The following SCN11A variants were observed in gnomAD, a reference collection of about 807,000 sequenced individuals.
SCN11A encodes sodium voltage-gated channel alpha subunit 11, also known as sodium channel protein type 11 subunit alpha.
A neutral mutation model predicts 162.2 loss-of-function variants in SCN11A; 122 were observed. The observed-to-expected ratio is 0.75, with a 90% CI of 0.65 to 0.87. SCN11A has a LOEUF of 0.87. Among genes scored for constraint, SCN11A ranks in the 40% least tolerant of loss-of-function variants. The pLI is 0.00. For synonymous variants in SCN11A, 758 were observed against 751.5 expected (o/e 1.01, Z -0.14); for missense variants, 2,015 against 2,181.6 (o/e 0.92, Z 1.52).
Position 38,872,241 on chromosome 3 carries a change from T to C in SCN11A, c.3447A>G (p.Leu1149=), listed in dbSNP as rs1185565146. 17 of 1,611,580 alleles carry C rather than the reference T, an allele frequency of 1.1e-5. No homozygotes were observed. Among genetic ancestry groups the C allele is most frequent in the Non-Finnish European group, 1.3e-5 (15 of 1,177,994 alleles). ...GCGCACGAAGAGGCCTCAGTGCTCG[T>C]AGAGTCCGGAAGGACTTCAATTCCA... is the stretch of plus-strand genomic sequence containing the variant. ...NLMELKSFRT[L]RALRPLRALS... is the part of the protein sequence containing the mutation. Residue 1149 remains leucine (L), a synonymous_variant, in exon 24 of 30, where the codon CTA becomes CTG. Coordinates refer to ENST00000302328, the MANE Select transcript of SCN11A (RefSeq NM_001349253.2).
chr3:38,934,417 G>C (rs1025107334), intron 7 of SCN11A, among the ~76,000 whole-genome samples: 4 of 152,112 alleles, frequency 2.6e-5, no homozygotes, highest in African/African-American at 9.7e-5. Flanking sequence ...CCAATTAAAA[G>C]ACACAGACTG....
intron 2 of SCN11A, among the ~76,000 whole-genome samples, chr3:38,962,682 T>C (rs2066748991): frequency 6.6e-6 from 1 of 151,830 alleles, no homozygotes; most frequent in Non-Finnish European, 1.5e-5. Flanking sequence ...ACCCCATCTC[T>C]ACAAAAAACA....
chr3:39,007,835 A>G (rs1408151522), intron 2 of SCN11A, among the ~76,000 whole-genome samples: 1 of 152,174 alleles, frequency 6.6e-6, no homozygotes, highest in Non-Finnish European at 1.5e-5. Context: ...ACCTGAGGAG[A>G]AGGTCATGGA....
At chr3:38,909,652 G>A (rs141690108) in intron 12 of SCN11A, among the ~76,000 whole-genome samples, 1,791 of 147,388 alleles carry the variant, frequency 0.012, 37 homozygotes, top group African/African-American at 0.042. Context: ...GTGTGATCTC[G>A]GCTCATTGCA....
At chr3:38,980,853 G>A (rs1374344347) in intron 2 of SCN11A, among the ~76,000 whole-genome samples, 1 of 152,154 alleles carries the variant, frequency 6.6e-6, no homozygotes, top group South Asian at 2.1e-4. Context: ...TTAATAACCA[G>A]AGATTTACTT....
At chr3:38,952,212 C>T (rs2066631462) in intron 4 of SCN11A, among the ~76,000 whole-genome samples, 1 of 152,140 alleles carries the variant, frequency 6.6e-6, no homozygotes, top group African/African-American at 2.4e-5. Context: ...CAAGAACCCA[C>T]CAATTCCGGA....
At position 38,919,985 on chromosome 3, in the gene SCN11A, C is replaced by A; in HGVS notation, c.909G>T (p.Lys303Asn). ...TTTTGAATTCAGGTGAATTTTCTTT[C>A]TTTTCAAAGCAATGGTCTGAGAGAG... ...NPEAYDHCFE[K>N]KENSPEFKMC... The change falls in exon 11 of 30, where the codon AAG becomes AAT. Residue 303 changes from lysine (K) to asparagine (N), a missense_variant. Transcript: ENST00000302328. 6.2e-7 allele frequency: 1 copy of A among 1,612,804 alleles called. No individual in the cohort carries two copies. Among genetic ancestry groups the A allele is most frequent in the South Asian group, 1.1e-5 (1 of 91,034 alleles).
Position 38,903,986 on chromosome 3 carries a change from A to G in SCN11A, c.1721T>C (p.Met574Thr). 1.9e-6 allele frequency: 3 copies of G among 1,614,122 alleles called. No individual in the cohort carries two copies. The highest frequency in any genetic ancestry group is 2.5e-6 in the Non-Finnish European group (3 of 1,179,980). The change falls in exon 16 of 30, where the codon ATG (methionine) becomes ACG (threonine). Residue 574 changes from methionine (M) to threonine (T), a missense_variant. Transcript: ENST00000302328. ...LCVKKVLRTV[M>T]TDPFTELAIT... ...GGCCAGCTCAGTAAACGGGTCAGTC[A>G]TCACAGTTCTCAGGACCTTCTTAAC...
At chr3:38,880,346 T>C (rs971314048) in intron 22 of SCN11A, among the ~76,000 whole-genome samples, 1 of 152,204 alleles carries the variant, frequency 6.6e-6, no homozygotes, top group Non-Finnish European at 1.5e-5. Flanking sequence ...GTTGTCACAA[T>C]AGTTCCTCAA....
rs561744115 is a variant in SCN11A at position 38,849,022 on chromosome 3, C to A, written c.4328-1280G>T. On this transcript the variant is annotated intron_variant, in intron 29 of 29. Transcript: ENST00000302328. ...AATCCTACCGCTGAGTATTATTTGG[C>A]TTAATATGTAGATTTTCTCATCCAC... 9.9e-5 allele frequency among the ~76,000 whole-genome samples: 15 copies of A among 152,270 alleles called. No individual in the cohort carries two copies. In the South Asian group the frequency reaches 2.7e-3, roughly 27 times the overall value.
At chr3:39,024,102 A>C (rs1337151939) in intron 2 of SCN11A, among the ~76,000 whole-genome samples, 2 of 152,208 alleles carry the variant, frequency 1.3e-5, no homozygotes, top group African/African-American at 4.8e-5. Flanking sequence ...CCTATAACAA[A>C]AGACAGGTTA....
At chr3:38,868,778 T>C (rs1373494709) in intron 26 of SCN11A, among the ~76,000 whole-genome samples, 1 of 152,198 alleles carries the variant, frequency 6.6e-6, no homozygotes, top group African/African-American at 2.4e-5. Context: ...CTGCATTTCC[T>C]GGAAGGAATT....
intron 26 of SCN11A, 68 bp downstream of exon 26, chr3:38,870,623 T>C: frequency 7.4e-7 from 1 of 1,354,304 alleles, no homozygotes; most frequent in South Asian, 1.2e-5. Flanking sequence ...AGTTCTGGAC[T>C]GTCCATGTAG....
At chr3:38,906,565 A>AC (rs1193325242) in intron 14 of SCN11A, among the ~76,000 whole-genome samples, 1 of 152,110 alleles carries the variant, frequency 6.6e-6, no homozygotes, top group African/African-American at 2.4e-5. Context: ...CATCAAGTCA[A>AC]CTGCTAAATT....
intron 1 of SCN11A, among the ~76,000 whole-genome samples, chr3:39,048,812 T>C (rs1255143887): frequency 3.3e-5 from 5 of 152,220 alleles, no homozygotes; most frequent in Admixed American, 2.0e-4. Context: ...GGGATGCTCA[T>C]CCTTGGAACC....
rs527890399 is a variant in SCN11A at position 38,969,584 on chromosome 3, G to A, written c.-279-9161C>T. ...TGTGGTCTAGGGGCTGCAGTTTAGT[G>A]TTCTTTGAAGAGTCAAGGGAGGATT... On this transcript the variant is annotated intron_variant, in intron 2 of 29. Transcript: ENST00000302328. Among the ~76,000 whole-genome samples, 31 of 152,296 alleles carry A rather than the reference G, an allele frequency of 2.0e-4. No homozygotes were observed. The East Asian group carries it at 4.1e-3, about 20-fold the overall frequency.
At chr3:39,021,391 G>GCATT (rs2031446140) in intron 2 of SCN11A, among the ~76,000 whole-genome samples, 1 of 152,112 alleles carries the variant, frequency 6.6e-6, no homozygotes, top group Admixed American at 6.6e-5. Context: ...TTAGCCTAAT[G>GCATT]GCCTCCCTAT....
chr3:38,853,305 C>CTT (rs1491061849), intron 28 of SCN11A, among the ~76,000 whole-genome samples: 1 of 151,552 alleles, frequency 6.6e-6, no homozygotes. Flanking sequence ...AAAATTCTCT[C>CTT]TTTTCTTGTT....
chr3:38,871,776 A>C, intron 24 of SCN11A, 68 bp from the exon 25 acceptor site: 148 of 1,293,138 alleles, frequency 1.1e-4, no homozygotes, highest in Non-Finnish European at 1.5e-4. Context: ...TCAACTTCTC[A>C]GCATGGGCCT....
Sources: gnomAD v4.1 joint callset for allele counts (sites outside exome capture counted in the v4.1 genomes callset) on GRCh38, gnomAD v4.1.1 for gene constraint, MANE v1.5 for transcripts, NCBI Gene and HGNC (gene_info 2026-07-23, HGNC 2026-07-21) for gene names.